CD2AP: variants seen among roughly 807,000 people sequenced by gnomAD.
CD2AP encodes the protein CD2-associated protein.
Under a neutral mutation model 85.1 loss-of-function variants are expected in CD2AP, and 46 were observed. The ratio of observed to expected loss-of-function variants is 0.54; its 90% CI spans 0.43 to 0.69. The LOEUF is 0.69. Among genes scored for constraint, CD2AP ranks in the 30% least tolerant of loss-of-function variants. The pLI is 0.00. For missense variants in CD2AP, 769 were observed against 729.5 expected, an observed-to-expected ratio of 1.05 and a Z score of -0.62; for synonymous variants, 255 against 252.9, an observed-to-expected ratio of 1.01 and a Z score of -0.08.
intron 5 of CD2AP, among the ~76,000 whole-genome samples, chr6:47,566,590 A>G (rs778959881): frequency 5.3e-5 from 8 of 151,812 alleles, no homozygotes; most frequent in Non-Finnish European, 1.0e-4. Flanking sequence ...GCACCTATCG[A>G]CCCATCCTCT....
At chr6:47,499,870 A>G (rs1765956824) in intron 1 of CD2AP, among the ~76,000 whole-genome samples, 2 of 152,230 alleles carry the variant, frequency 1.3e-5, no homozygotes, top group East Asian at 1.9e-4. Flanking sequence ...CTGGGACTAC[A>G]GGCATATGCC....
intron 4 of CD2AP, among the ~76,000 whole-genome samples, chr6:47,552,678 C>A (rs904688801): frequency 2.0e-5 from 3 of 152,104 alleles, no homozygotes; most frequent in African/African-American, 7.2e-5. Flanking sequence ...CAGTTGTTGC[C>A]AGTTGGGGTT....
intron 2 of CD2AP, among the ~76,000 whole-genome samples, chr6:47,506,929 C>T (rs1421457150): frequency 6.6e-6 from 1 of 152,152 alleles, no homozygotes; most frequent in Non-Finnish European, 1.5e-5. Flanking sequence ...AAAGATTTCC[C>T]TGTAGCATGT....
chr6:47,621,617 G>A (rs1483980859), intron 17 of CD2AP, among the ~76,000 whole-genome samples: 1 of 152,090 alleles, frequency 6.6e-6, no homozygotes, highest in African/African-American at 2.4e-5. Flanking sequence ...CGAAAGGATT[G>A]GTACCCATTC....
At chr6:47,550,699 G>T (rs867485661) in intron 4 of CD2AP, among the ~76,000 whole-genome samples, 55 of 152,112 alleles carry the variant, frequency 3.6e-4, no homozygotes, top group Admixed American at 1.6e-3. Context: ...CAGAGGAAAA[G>T]AACTCATTAT....
intron 12 of CD2AP, among the ~76,000 whole-genome samples, chr6:47,596,961 A>T (rs1014388188): frequency 2.0e-5 from 3 of 152,086 alleles, no homozygotes; most frequent in African/African-American, 7.2e-5. Flanking sequence ...GTTTATTTTA[A>T]TGTTGTAAAT....
At chr6:47,537,330 G>T (rs1767078677) in intron 3 of CD2AP, among the ~76,000 whole-genome samples, 1 of 152,110 alleles carries the variant, frequency 6.6e-6, no homozygotes, top group Non-Finnish European at 1.5e-5. Flanking sequence ...GTTGGTTCAT[G>T]GTGGCTCTTT....
At chr6:47,499,869 C>G (rs1765956766) in intron 1 of CD2AP, among the ~76,000 whole-genome samples, 1 of 152,156 alleles carries the variant, frequency 6.6e-6, no homozygotes, top group Non-Finnish European at 1.5e-5. Flanking sequence ...GCTGGGACTA[C>G]AGGCATATGC....
intron 2 of CD2AP, among the ~76,000 whole-genome samples, chr6:47,512,105 C>T (rs1437366799): frequency 6.6e-6 from 1 of 152,008 alleles, no homozygotes; most frequent in Non-Finnish European, 1.5e-5. Context: ...TTGCAGTGAG[C>T]CGAGATCGCG....
At chr6:47,566,707 A>C (rs1206788660) in intron 5 of CD2AP, among the ~76,000 whole-genome samples, 1 of 152,134 alleles carries the variant, frequency 6.6e-6, no homozygotes, top group Admixed American at 6.5e-5. Context: ...GAGTGAGAAC[A>C]TGCAGTGTTT....
rs1769472131 is a variant in CD2AP at position 47,612,498 on chromosome 6, G to T, written c.1840G>T (p.Asp614Tyr). The T allele has an allele frequency of 6.2e-7, 1 of 1,607,478 alleles. No individual in the cohort carries two copies. Among genetic ancestry groups the T allele is most frequent in the Non-Finnish European group, 8.5e-7 (1 of 1,174,416 alleles). Reference protein sequence around the residue: ...HGKELEKLRKDLEEEKTMRSN... With the variant: ...HGKELEKLRKYLEEEKTMRSN... Reference sequence around the variant, plus strand: ...GAAAGAACTGGAAAAACTGCGAAAAGATTTGGAAGAAGAGAAGACAATGAG... The same window carrying T: ...GAAAGAACTGGAAAAACTGCGAAAATATTTGGAAGAAGAGAAGACAATGAG... Residue 614 changes from aspartate (D) to tyrosine (Y), a missense_variant, in exon 17 of 18, where the codon GAT becomes TAT. Physicochemically the swap from Asp to Tyr is radical, Grantham distance 160. Coordinates refer to ENST00000359314, the MANE Select transcript of CD2AP (RefSeq NM_012120.3).
At position 47,603,776 on chromosome 6, in the gene CD2AP, G is replaced by C. The variant is rs2114142774; in HGVS notation, c.1418-2389G>C. Reference sequence around the variant, plus strand: ...CTTTCCAGATTTTGTTTCCTAGCCTGTTTGCCATGTTTCCCTTCTTACGTG... The same window carrying C: ...CTTTCCAGATTTTGTTTCCTAGCCTCTTTGCCATGTTTCCCTTCTTACGTG... On this transcript the variant is annotated intron_variant, in intron 13 of 17. Coordinates refer to ENST00000359314, the MANE Select transcript of CD2AP (RefSeq NM_012120.3). 2.0e-5 allele frequency among the ~76,000 whole-genome samples: 3 copies of C among 151,820 alleles called. No individual in the cohort carries two copies. In the South Asian group the frequency reaches 6.2e-4, roughly 32 times the overall value.
At chr6:47,503,094 A>G (rs1032404280) in intron 1 of CD2AP, among the ~76,000 whole-genome samples, 186 bp from the exon 2 acceptor site, 22 of 152,338 alleles carry the variant, frequency 1.4e-4, no homozygotes, top group African/African-American at 5.1e-4. Context: ...TGTACTCTAT[A>G]TTAAGATATT....
chr6:47,538,303 A>G (rs569552119), intron 3 of CD2AP, among the ~76,000 whole-genome samples: 65 of 152,190 alleles, frequency 4.3e-4, no homozygotes, highest in Non-Finnish European at 1.5e-4. Flanking sequence ...GTACAGTGCC[A>G]TGATCTCGGC....
At chr6:47,588,543 G>A (rs372381403) in intron 11 of CD2AP, among the ~76,000 whole-genome samples, 42 of 152,218 alleles carry the variant, frequency 2.8e-4, no homozygotes, top group African/African-American at 9.9e-4. Context: ...GTGGAAGGTG[G>A]TATGGGTAAA....
At chr6:47,529,666 T>C (rs1766820272) in intron 2 of CD2AP, among the ~76,000 whole-genome samples, 1 of 152,254 alleles carries the variant, frequency 6.6e-6, no homozygotes, top group South Asian at 2.1e-4. Flanking sequence ...TTTGGTGATG[T>C]TTTTGTGACC....
At chr6:47,560,674 CTT>C (rs1242770629) in intron 5 of CD2AP, among the ~76,000 whole-genome samples, 3 of 151,960 alleles carry the variant, frequency 2.0e-5, no homozygotes, top group Admixed American at 1.3e-4. Context: ...GTGTCCATGT[CTT>C]TTTTTATTGG....
intron 3 of CD2AP, among the ~76,000 whole-genome samples, chr6:47,539,315 G>T (rs1048019915): frequency 3.3e-5 from 5 of 152,182 alleles, no homozygotes; most frequent in African/African-American, 1.2e-4. Flanking sequence ...ATTTTGTACT[G>T]GGGTTGTCAA....
At chr6:47,505,105 A>G (rs1766105235) in intron 2 of CD2AP, among the ~76,000 whole-genome samples, 1 of 123,872 alleles carries the variant, frequency 8.1e-6, no homozygotes, top group Non-Finnish European at 1.7e-5. Flanking sequence ...TCATGGGACA[A>G]TAGTGGAGGG....
Sources: gnomAD v4.1 joint callset for allele counts (sites outside exome capture counted in the v4.1 genomes callset) on GRCh38, gnomAD v4.1.1 for gene constraint, MANE v1.5 for transcripts, NCBI Gene and HGNC (gene_info 2026-07-23, HGNC 2026-07-21) for gene names.